Variants in PDZRN4 observed in about 807,000 individuals in gnomAD.
PDZRN4 encodes PDZ domain containing ring finger 4.
Under a neutral mutation model 99.0 loss-of-function variants are expected in PDZRN4, and 70 were observed. That is an observed-to-expected ratio of 0.71 (90% CI 0.58 to 0.86). The LOEUF is 0.86. Among genes scored for constraint, PDZRN4 ranks in the 40% least tolerant of loss-of-function variants. The probability of loss-of-function intolerance (pLI) is 0.00; values close to 1 mark genes in which losing one functional copy is unlikely to be tolerated. For synonymous variants in PDZRN4, 551 were observed against 501.6 expected (o/e 1.10, Z -1.32); for missense variants, 1,474 against 1,331.2 (o/e 1.11, Z -1.67).
chr12:41,341,639 A>T (rs1951818422), intron 3 of PDZRN4, among the ~76,000 whole-genome samples: 1 of 151,812 alleles, frequency 6.6e-6, no homozygotes, highest in South Asian at 2.1e-4. Flanking sequence ...CTTAACCAAG[A>T]AGGTGAAAAA....
intron 3 of PDZRN4, among the ~76,000 whole-genome samples, chr12:41,490,522 G>C (rs1199190163): frequency 1.3e-5 from 2 of 152,012 alleles, no homozygotes; most frequent in African/African-American, 4.8e-5. Context: ...GTATTTTGTT[G>C]ACTTCCTACT....
Position 41,552,722 on chromosome 12 carries a change from G to A in PDZRN4, c.1270G>A (p.Asp424Asn), listed in dbSNP as rs144193102. Residue 424 changes from aspartate to asparagine, a missense_variant, in exon 6 of 10, where the codon GAT (aspartate) becomes AAT (asparagine). Asp to Asn is a conservative substitution (Grantham distance 23). Coordinates refer to ENST00000402685, the MANE Select transcript of PDZRN4 (RefSeq NM_001164595.2). Reference sequence around the variant, plus strand: ...CCTGACAGTCTGTTACCGAACAGATGATGAAGAAGACACCGGCATTTATGT... The same window carrying A: ...CCTGACAGTCTGTTACCGAACAGATAATGAAGAAGACACCGGCATTTATGT... Reference protein sequence around the residue: ...LGLTVCYRTDDEEDTGIYVSE... With the variant: ...LGLTVCYRTDNEEDTGIYVSE... 6.2e-6 allele frequency: 10 copies of A among 1,613,570 alleles called. No homozygotes were observed. In the African/African-American group the frequency reaches 1.3e-4, roughly 22 times the overall value.
intron 3 of PDZRN4, among the ~76,000 whole-genome samples, chr12:41,384,141 G>A (rs1952148079): frequency 6.6e-6 from 1 of 151,298 alleles, no homozygotes; most frequent in Non-Finnish European, 1.5e-5. Flanking sequence ...GACTTTTTTT[G>A]AGACAGGGCC....
chr12:41,511,215 G>A (rs10880086), intron 5 of PDZRN4, among the ~76,000 whole-genome samples: 23,018 of 151,860 alleles, frequency 0.15, 2,160 homozygotes, highest in Non-Finnish European at 0.21. Context: ...GTGTGCTCGG[G>A]GAGGGCATAG....
intron 3 of PDZRN4, among the ~76,000 whole-genome samples, chr12:41,415,408 T>C (rs1952436464): frequency 6.6e-6 from 1 of 150,458 alleles, no homozygotes; most frequent in Non-Finnish European, 1.5e-5. Context: ...TACATATCAT[T>C]GTAATATTCA....
At chr12:41,407,992 G>A (rs1442460646) in intron 3 of PDZRN4, among the ~76,000 whole-genome samples, 4 of 152,164 alleles carry the variant, frequency 2.6e-5, no homozygotes, top group Non-Finnish European at 5.9e-5. Context: ...TAAACATGCA[G>A]CCCGTTGACT....
At chr12:41,199,515 C>T (rs1032651108) in intron 3 of PDZRN4, among the ~76,000 whole-genome samples, 1 of 151,966 alleles carries the variant, frequency 6.6e-6, no homozygotes, top group East Asian at 1.9e-4. Context: ...GGGTATCTAC[C>T]CAAAGGAACA....
intron 3 of PDZRN4, chr12:41,477,949 A>C: frequency 7.3e-7 from 1 of 1,366,510 alleles, no homozygotes; most frequent in Non-Finnish European, 1.0e-6. Flanking sequence ...TTATTTCATC[A>C]TATTATTCTC....
At chr12:41,550,225 A>T (rs75736638) in intron 5 of PDZRN4, among the ~76,000 whole-genome samples, 2,712 of 152,290 alleles carry the variant, frequency 0.018, 75 homozygotes, top group African/African-American at 0.059. Context: ...ATGTCTTCTC[A>T]CAATACTGAG....
At chr12:41,547,974 T>C (rs285593) in intron 5 of PDZRN4, among the ~76,000 whole-genome samples, 86,363 of 152,078 alleles carry the variant, frequency 0.57, 26,163 homozygotes, top group African/African-American at 0.8. Context: ...AGGTTAAAAG[T>C]TGCCCATATT....
chr12:41,548,889 T>G (rs1939005562), intron 5 of PDZRN4, among the ~76,000 whole-genome samples: 1 of 152,222 alleles, frequency 6.6e-6, no homozygotes, highest in Admixed American at 6.5e-5. Flanking sequence ...CACAGCAAGC[T>G]TTAATAACAA....
At chr12:41,335,011 T>C (rs1951763739) in intron 3 of PDZRN4, among the ~76,000 whole-genome samples, 1 of 152,070 alleles carries the variant, frequency 6.6e-6, no homozygotes. Context: ...TAAAGTAAAA[T>C]GGGCATTAAT....
At chr12:41,215,139 C>A (rs1950912511) in intron 3 of PDZRN4, among the ~76,000 whole-genome samples, 2 of 152,052 alleles carry the variant, frequency 1.3e-5, no homozygotes, top group South Asian at 4.1e-4. Flanking sequence ...TGTTCCACAT[C>A]TCACCAATTA....
At chr12:41,452,080 G>T (rs890854426) in intron 3 of PDZRN4, among the ~76,000 whole-genome samples, 1 of 150,296 alleles carries the variant, frequency 6.7e-6, no homozygotes, top group African/African-American at 2.5e-5. Context: ...TTAATATCCT[G>T]TAATAAGTTA....
At chr12:41,200,570 A>G (rs1486142659) in intron 3 of PDZRN4, among the ~76,000 whole-genome samples, 2 of 152,120 alleles carry the variant, frequency 1.3e-5, no homozygotes, top group Admixed American at 6.6e-5. Context: ...TGCACACGGC[A>G]CAGCTGGATT....
At chr12:41,433,605 A>G (rs779473233) in intron 3 of PDZRN4, among the ~76,000 whole-genome samples, 2 of 152,202 alleles carry the variant, frequency 1.3e-5, no homozygotes, top group Non-Finnish European at 2.9e-5. Flanking sequence ...GGGTAAAGAG[A>G]GGGTAATCAA....
At chr12:41,479,784 C>T (rs1408210091) in intron 3 of PDZRN4, among the ~76,000 whole-genome samples, 1 of 152,064 alleles carries the variant, frequency 6.6e-6, no homozygotes, top group Non-Finnish European at 1.5e-5. Context: ...AATATGAGAG[C>T]CCAGAAAATG....
At chr12:41,444,388 C>T (rs745515552) in intron 3 of PDZRN4, among the ~76,000 whole-genome samples, 4 of 152,082 alleles carry the variant, frequency 2.6e-5, no homozygotes, top group Non-Finnish European at 4.4e-5. Context: ...TTAAGAGCTC[C>T]CTGTAGCTGG....
In PDZRN4 at chr12:41,189,117, G is replaced by C. The variant is rs1343121133; in HGVS notation, c.648+14G>C. The C allele has an allele frequency of 1.9e-6, 3 of 1,574,798 alleles. No individual in the cohort carries two copies. Among genetic ancestry groups the C allele is most frequent in the African/African-American group, 2.7e-5 (2 of 74,450 alleles). ...GGCCACCGCAGGGTAAGCAAAGGGG[G>C]GTGGGCACCGCGGGCATGGTCGATT... On this transcript the variant is annotated intron_variant, in intron 1 of 9. Coordinates refer to ENST00000402685, the MANE Select transcript of PDZRN4 (RefSeq NM_001164595.2).
Sources: gnomAD v4.1 joint callset for allele counts (sites outside exome capture counted in the v4.1 genomes callset) on GRCh38, gnomAD v4.1.1 for gene constraint, MANE v1.5 for transcripts, NCBI Gene and HGNC (gene_info 2026-07-23, HGNC 2026-07-21) for gene names.